The following MYO10 variants were observed in gnomAD, a reference collection of about 807,000 sequenced individuals.
MYO10 encodes the protein myosin X, also known as unconventional myosin-X.
MYO10 carries 133 observed loss-of-function variants against 257.3 expected under a neutral mutation model. That is an observed-to-expected ratio of 0.52 (90% CI 0.45 to 0.60). The LOEUF is 0.60. Among genes scored for constraint, MYO10 ranks in the 20% least tolerant of loss-of-function variants. The pLI is 0.00. For missense variants in MYO10, 2,399 were observed against 2,635.7 expected (o/e 0.91, Z 1.97); for synonymous variants, 1,104 against 1,028.6 (o/e 1.07, Z -1.40).
chr5:16,851,135 C>T (rs955141697), intron 2 of MYO10, among the ~76,000 whole-genome samples: 11 of 152,102 alleles, frequency 7.2e-5, no homozygotes, highest in African/African-American at 2.4e-4. Flanking sequence ...TAATAGACAG[C>T]GTAAGACTTT....
At chr5:16,825,835 C>T (rs893602333) in intron 2 of MYO10, among the ~76,000 whole-genome samples, 13 of 151,256 alleles carry the variant, frequency 8.6e-5, no homozygotes, top group East Asian at 5.9e-4. Context: ...GACAAGACAG[C>T]GAGACCCTGT....
intron 33 of MYO10, among the ~76,000 whole-genome samples, chr5:16,679,401 G>A (rs893162103): frequency 9.2e-5 from 14 of 152,164 alleles, no homozygotes; most frequent in African/African-American, 3.4e-4. Context: ...GGGATCGGGT[G>A]ACTCAGCGAA....
At chr5:16,823,283 A>T (rs1214275549) in intron 2 of MYO10, among the ~76,000 whole-genome samples, 1 of 148,962 alleles carries the variant, frequency 6.7e-6, no homozygotes, top group Non-Finnish European at 1.5e-5. Context: ...CGTCACTACT[A>T]AAAACACAAA....
At chr5:16,778,714 A>G (rs1741306617) in intron 9 of MYO10, among the ~76,000 whole-genome samples, 1 of 120,270 alleles carries the variant, frequency 8.3e-6, no homozygotes, top group Non-Finnish European at 1.6e-5. Flanking sequence ...TTTTTTTGAG[A>G]CGGAGTCTCG....
In MYO10 at chr5:16,783,401, T is replaced by C. The variant is rs1390240757; in HGVS notation, c.536A>G (p.Gln179Arg). The C allele has an allele frequency of 1.2e-6, 2 of 1,608,338 alleles. No homozygotes were observed. Among genetic ancestry groups the C allele is most frequent in the South Asian group, 2.2e-5 (2 of 89,442 alleles). Residue 179 changes from glutamine (Q) to arginine (R), a missense_variant, in exon 5 of 41, where the codon CAA becomes CGA. Physicochemically the swap from Gln to Arg is conservative, Grantham distance 43 (BLOSUM62 1). This residue lies in a region of MYO10 where 242 missense variants were observed against 249.5 expected (regional missense o/e 0.97). Coordinates refer to ENST00000513610, the MANE Select transcript of MYO10 (RefSeq NM_012334.3). Reference protein sequence around the residue: ...LILKFLSVISQQSLELSLKEK... With the variant: ...LILKFLSVISRQSLELSLKEK... Reference sequence around the variant, plus strand: ...CTTTAAGGACAATTCCAAAGACTGTTGACTGATGACTGACAGAAACTTGAG... The same window carrying C: ...CTTTAAGGACAATTCCAAAGACTGTCGACTGATGACTGACAGAAACTTGAG...
At chr5:16,934,257 G>A (rs775655533) in intron 1 of MYO10, among the ~76,000 whole-genome samples, 3 of 152,266 alleles carry the variant, frequency 2.0e-5, no homozygotes, top group Admixed American at 1.3e-4. Context: ...CCCCAAGGGG[G>A]AGCCACGGAC....
intron 29 of MYO10, among the ~76,000 whole-genome samples, chr5:16,684,308 T>G (rs1456847796): frequency 1.3e-5 from 2 of 152,212 alleles, no homozygotes; most frequent in Non-Finnish European, 2.9e-5. Flanking sequence ...AATGGTGTGA[T>G]CTCAGCTCAA....
rs1253255191 is a variant in MYO10 at position 16,675,181 on chromosome 5, T to C, written c.4667-31A>G. 3.1e-6 allele frequency: 5 copies of C among 1,607,572 alleles called. No homozygotes were observed. The Admixed American group carries it at 6.7e-5, about 22-fold the overall frequency. On this transcript the variant is annotated intron_variant, in intron 34 of 40. Transcript: ENST00000513610. ...ACAAGCAAAACAAACACGGAACTCA[T>C]CTGAGGGGTTCAGAATAGGGCATGA... is the stretch of plus-strand genomic sequence containing the variant.
intron 19 of MYO10, among the ~76,000 whole-genome samples, chr5:16,752,889 A>AT (rs1194844149): frequency 6.6e-6 from 1 of 152,136 alleles, no homozygotes; most frequent in Non-Finnish European, 1.5e-5. Context: ...TTATGTTACC[A>AT]TTTTTTTGGT....
chr5:16,794,596 G>C, intron 4 of MYO10, 50 bp downstream of exon 4: 2 of 1,522,742 alleles, frequency 1.3e-6, no homozygotes, highest in Non-Finnish European at 1.8e-6. Flanking sequence ...GGGGTGCGCG[G>C]AGGGACTCCT....
chr5:16,688,849 C>T (rs1027506234), intron 28 of MYO10, among the ~76,000 whole-genome samples: 3 of 152,116 alleles, frequency 2.0e-5, no homozygotes, highest in Admixed American at 6.6e-5. Context: ...ACAGGACAGA[C>T]GTTCCACGGT....
intron 2 of MYO10, chr5:16,854,052 A>C (rs1419370649): frequency 1.3e-5 from 2 of 152,194 alleles, no homozygotes; most frequent in Non-Finnish European, 2.9e-5. Flanking sequence ...GAAGCTAAGC[A>C]GGGTATTGGG....
chr5:16,769,150 C>G lies in MYO10; in HGVS notation c.984G>C (p.Arg328Ser). 3 of 1,612,766 alleles carry G rather than the reference C, an allele frequency of 1.9e-6. No individual in the cohort carries two copies. The highest frequency in any genetic ancestry group is 2.5e-6 in the Non-Finnish European group (3 of 1,179,492). ...FSKEEVREVS[R>S]LLAGILHLGN... is the part of the protein sequence containing the mutation. ...CAAGATGCAGTATACCAGCAAGCAGCCTCGACACTTCCCGAACTTCCTCCT... is the reference window on the plus strand; with the variant it reads ...CAAGATGCAGTATACCAGCAAGCAGGCTCGACACTTCCCGAACTTCCTCCT... Residue 328 changes from arginine to serine, a missense_variant, in exon 10 of 41, where the codon AGG (arginine) becomes AGC (serine). This residue lies in a region of MYO10 where 337 missense variants were observed against 446.8 expected (regional missense o/e 0.75). Transcript: ENST00000513610.
intron 2 of MYO10, among the ~76,000 whole-genome samples, chr5:16,870,417 T>C (rs1392412457): frequency 2.6e-5 from 4 of 151,552 alleles, no homozygotes; most frequent in African/African-American, 4.9e-5. Flanking sequence ...AGCAACATAA[T>C]ATCACCAAGG....
At chr5:16,910,259 T>A (rs1405663561) in intron 1 of MYO10, among the ~76,000 whole-genome samples, 7 of 152,172 alleles carry the variant, frequency 4.6e-5, no homozygotes, top group African/African-American at 9.7e-5. Flanking sequence ...AAAAATAAAA[T>A]TTTTAAAAAT....
intron 21 of MYO10, among the ~76,000 whole-genome samples, chr5:16,706,922 G>T (rs1167615308): frequency 6.6e-6 from 1 of 152,206 alleles, no homozygotes; most frequent in Non-Finnish European, 1.5e-5. Context: ...CAGAAGGAAA[G>T]TGATAGGTTT....
At chr5:16,782,903 A>G (rs541398193) in intron 5 of MYO10, among the ~76,000 whole-genome samples, 1 of 152,258 alleles carries the variant, frequency 6.6e-6, no homozygotes, top group Non-Finnish European at 1.5e-5. Flanking sequence ...TGCTGACCTG[A>G]ACCCTGCTCG....
chr5:16,778,713 G>C (rs1482128806), intron 9 of MYO10, among the ~76,000 whole-genome samples: 1 of 128,020 alleles, frequency 7.8e-6, no homozygotes, highest in African/African-American at 3.3e-5. Flanking sequence ...TTTTTTTTGA[G>C]ACGGAGTCTC....
chr5:16,699,475 A>G lies in MYO10; in HGVS notation c.3531T>C (p.Tyr1177=). Residue 1177 remains tyrosine, a synonymous_variant, in exon 26 of 41, where the codon TAT becomes TAC. Coordinates refer to ENST00000513610, the MANE Select transcript of MYO10 (RefSeq NM_012334.3). The part of the protein sequence containing the change: ...DSVYSCVTLP[Y]FHSFLYMKGG... ...CTTTCATGTACAGAAAGCTGTGGAA[A>G]TACGGCAGAGTGACACAGCTGTACA... 6.2e-7 allele frequency: 1 copy of G among 1,613,928 alleles called. No individual in the cohort carries two copies. The highest frequency in any genetic ancestry group is 8.5e-7 in the Non-Finnish European group (1 of 1,179,888).
Sources: gnomAD v4.1 joint callset for allele counts (sites outside exome capture counted in the v4.1 genomes callset) on GRCh38, gnomAD v4.1.1 for gene constraint, gnomAD v4.1.1 regional missense constraint, MANE v1.5 for transcripts, NCBI Gene and HGNC (gene_info 2026-07-23, HGNC 2026-07-21) for gene names.